Variants in PARD6G observed in about 807,000 individuals in gnomAD.
PARD6G encodes par-6 family cell polarity regulator gamma.
PARD6G carries 7 observed loss-of-function variants against 10.7 expected under a neutral mutation model. The observed-to-expected ratio is 0.66, with a 90% CI of 0.37 to 1.23. The LOEUF (loss-of-function observed/expected upper bound fraction) is 1.23, where lower values mean the gene tolerates loss of function less well. Among genes scored for constraint, PARD6G ranks in the 50% most tolerant of loss-of-function variants. PARD6G has a pLI of 0.02. For missense variants in PARD6G, 548 were observed against 571.8 expected, an observed-to-expected ratio of 0.96 and a Z score of 0.42; for synonymous variants, 287 against 269.4, an observed-to-expected ratio of 1.07 and a Z score of -0.64.
At chr18:80,199,442 G>A (rs4799144) in intron 2 of PARD6G, among the ~76,000 whole-genome samples, 11,509 of 152,162 alleles carry the variant, frequency 0.076, 633 homozygotes, top group African/African-American at 0.16. Flanking sequence ...GCTGATGGAC[G>A]CGTGGGCTGT....
At chr18:80,234,789 AT>A (rs1204108076) in intron 1 of PARD6G, among the ~76,000 whole-genome samples, 2 of 152,206 alleles carry the variant, frequency 1.3e-5, no homozygotes, top group African/African-American at 4.8e-5. Flanking sequence ...AAAGGGATCA[AT>A]TCAACAAGAA....
Position 80,201,383 on chromosome 18 carries a change from C to T in PARD6G, c.295+1327G>A, listed in dbSNP as rs924654038. 3.3e-5 allele frequency among the ~76,000 whole-genome samples: 5 copies of T among 152,266 alleles called. No homozygotes were observed. The highest frequency in any genetic ancestry group is 3.9e-4 in the East Asian group (2 of 5,168). ...CTGCAGAGGGCAGCATACAGAGGAC[C>T]GAGGTGTGGCACGCTGGAGGCTGTG... On this transcript the variant is annotated intron_variant, in intron 2 of 2. Coordinates refer to ENST00000353265, the MANE Select transcript of PARD6G (RefSeq NM_032510.4). This position sits in a 1 kb window ranked among gnomAD's most constrained non-coding sequence, Gnocchi z 5.9.
Position 80,160,460 on chromosome 18 carries a change from C to A in PARD6G, c.442G>T (p.Asp148Tyr). The change falls in exon 3 of 3, where the codon GAT (aspartate) becomes TAT (tyrosine). Residue 148 changes from aspartate to tyrosine, a missense_variant. Asp to Tyr is a radical substitution (Grantham distance 160). Around this residue, in one of 2 missense-constraint regions of PARD6G, gnomAD observed 235 missense variants for 291.9 expected, o/e 0.81. Transcript: ENST00000353265. ...RDFRPVSSII[D>Y]VDLVPETHRR... ...TGCGTCTCGGGGACCAGGTCCACAT[C>A]GATGATGGATGATACGGGGCGGAAG... The A allele has an allele frequency of 6.4e-7, 1 of 1,573,424 alleles. No individual in the cohort carries two copies. Among genetic ancestry groups the A allele is most frequent in the Non-Finnish European group, 8.6e-7 (1 of 1,159,412 alleles).
chr18:80,163,552 A>C (rs746429476), intron 2 of PARD6G, among the ~76,000 whole-genome samples: 11 of 152,168 alleles, frequency 7.2e-5, no homozygotes, highest in Non-Finnish European at 7.3e-5. Context: ...CGCATGGTGC[A>C]TTCCCTTCCA....
chr18:80,218,729 C>T (rs754922368), intron 1 of PARD6G, among the ~76,000 whole-genome samples: 22 of 152,242 alleles, frequency 1.4e-4, no homozygotes, highest in East Asian at 1.3e-3. Flanking sequence ...ATTTCCCTTC[C>T]GCACTGCTGT....
At chr18:80,190,269 G>A (rs1017215665) in intron 2 of PARD6G, among the ~76,000 whole-genome samples, 11 of 41,896 alleles carry the variant, frequency 2.6e-4, no homozygotes, top group East Asian at 1.3e-3. Flanking sequence ...CCTGTGCACC[G>A]GCAAACAATC....
chr18:80,173,034 T>G (rs182686410), intron 2 of PARD6G, among the ~76,000 whole-genome samples: 7 of 152,312 alleles, frequency 4.6e-5, no homozygotes, highest in Admixed American at 4.6e-4. Context: ...CCCAGGCTTA[T>G]GAGAACATTT....
chr18:80,197,730 C>T (rs532374631), intron 2 of PARD6G: 1 of 151,870 alleles, frequency 6.6e-6, no homozygotes, highest in Non-Finnish European at 1.5e-5. Flanking sequence ...TCCTGTTTAT[C>T]CTGCTAAAAA....
rs1472102318 is a variant in PARD6G, at chr18:80,181,592, C to T, written c.296-20986G>A. 6.6e-6 allele frequency among the ~76,000 whole-genome samples: 1 copy of T among 152,228 alleles called. No homozygotes were observed. Among genetic ancestry groups the T allele is most frequent in the East Asian group, 1.9e-4 (1 of 5,166 alleles). On this transcript the variant is annotated intron_variant, in intron 2 of 2. Transcript: ENST00000353265. This position sits in a 1 kb window ranked among gnomAD's most constrained non-coding sequence, Gnocchi z 7.9. ...CCCTAAACTCAGCAGATCGGATCTA[C>T]CTCCCCTCTCCCAACAAGGAGGGTC...
chr18:80,209,071 G>C (rs1388776538), intron 1 of PARD6G, among the ~76,000 whole-genome samples: 1 of 151,906 alleles, frequency 6.6e-6, no homozygotes, highest in Non-Finnish European at 1.5e-5. Context: ...CTGCACTCCA[G>C]CTTGAGTAAC....
chr18:80,217,326 C>T (rs146995411), intron 1 of PARD6G, among the ~76,000 whole-genome samples: 129 of 152,196 alleles, frequency 8.5e-4, no homozygotes, highest in African/African-American at 3.0e-3. Flanking sequence ...TAATTTATTA[C>T]CAAATAGATA....
intron 1 of PARD6G, among the ~76,000 whole-genome samples, chr18:80,226,757 C>G (rs1967297425): frequency 6.6e-6 from 1 of 152,098 alleles, no homozygotes; most frequent in Non-Finnish European, 1.5e-5. Flanking sequence ...AGCAAAGAAC[C>G]AGGCTGAAGA....
At position 80,204,915 on chromosome 18, in the gene PARD6G, G is replaced by A. The variant is rs181255082; in HGVS notation, c.73-1983C>T. ...TGCAGTGAGCCAAGATCATGCCACCGCACTCCAGCCTGGGCAAAAGAGTGA... is the reference window on the plus strand; with the variant it reads ...TGCAGTGAGCCAAGATCATGCCACCACACTCCAGCCTGGGCAAAAGAGTGA... On this transcript the variant is annotated intron_variant, in intron 1 of 2. Transcript: ENST00000353265. Among the ~76,000 whole-genome samples, 150 of 152,210 alleles carry A rather than the reference G, an allele frequency of 9.9e-4. 1 individual carries two copies. The highest frequency in any genetic ancestry group is 3.1e-3 in the African/African-American group (130 of 41,530).
chr18:80,199,892 G>T (rs1269100925), intron 2 of PARD6G, among the ~76,000 whole-genome samples: 2 of 152,128 alleles, frequency 1.3e-5, no homozygotes, highest in African/African-American at 4.8e-5. Context: ...TGATCCACCC[G>T]CCTCGGCCTC....
At chr18:80,202,637 A>AT in intron 2 of PARD6G, 73 bp downstream of exon 2, 1 of 1,187,200 alleles carries the variant, frequency 8.4e-7, no homozygotes, top group Non-Finnish European at 1.2e-6. Flanking sequence ...CTGTAATGAC[A>AT]GAAAAAATTG....
rs2145269874 is a variant in PARD6G at position 80,188,683 on chromosome 18, C to A, written c.295+14027G>T. Among the ~76,000 whole-genome samples, 1 of 152,332 alleles carries A rather than the reference C, an allele frequency of 6.6e-6. No individual in the cohort carries two copies. Among genetic ancestry groups the A allele is most frequent in the South Asian group, 2.1e-4 (1 of 4,826 alleles). Reference sequence around the variant, plus strand: ...GGAAACATGGGCCCCTAATTTCCCACACAGATGCAGGGCAGAGTTCACACG... The same window carrying A: ...GGAAACATGGGCCCCTAATTTCCCAAACAGATGCAGGGCAGAGTTCACACG... On this transcript the variant is annotated intron_variant, in intron 2 of 2. Transcript: ENST00000353265. This position sits in a 1 kb window ranked among gnomAD's most constrained non-coding sequence, Gnocchi z 5.4.
Position 80,200,358 on chromosome 18 carries a change from C to A in PARD6G, c.295+2352G>T, listed in dbSNP as rs573717828. 3.8e-3 allele frequency among the ~76,000 whole-genome samples: 579 copies of A among 152,284 alleles called. 5 individuals carry two copies. Among genetic ancestry groups the A allele is most frequent in the Middle Eastern group, 6.8e-3 (2 of 294 alleles). On this transcript the variant is annotated intron_variant, in intron 2 of 2. Transcript: ENST00000353265. The surrounding 1 kb of genome is among the most constrained non-coding windows in gnomAD (Gnocchi z 4.4). ...TTACAGTCAAATCCACTGAGGACAGCGAGAGGCAGCTCTGATTTTCCCAAA... is the reference window on the plus strand; with the variant it reads ...TTACAGTCAAATCCACTGAGGACAGAGAGAGGCAGCTCTGATTTTCCCAAA...
At chr18:80,237,026 G>C (rs1393331564) in intron 1 of PARD6G, among the ~76,000 whole-genome samples, 1 of 152,128 alleles carries the variant, frequency 6.6e-6, no homozygotes, top group African/African-American at 2.4e-5. Flanking sequence ...AACCAAAAAA[G>C]AACCCGCATT....
In PARD6G at chr18:80,177,972, TAC is replaced by T. The variant is rs3028716; in HGVS notation, c.296-17368_296-17367del. 1,203 of 152,260 alleles carry T rather than the reference TAC, an allele frequency of 7.9e-3. 6 individuals carry two copies. Among genetic ancestry groups the T allele is most frequent in the South Asian group, 8.9e-3 (41 of 4,594 alleles). The allele number at this position is 152,260 out of a possible 1,614,324, so 9.4% of individuals were successfully genotyped here. On this transcript the variant is annotated intron_variant, in intron 2 of 2. Coordinates refer to ENST00000353265, the MANE Select transcript of PARD6G (RefSeq NM_032510.4). ...ACAGTCCAAATGGGAAGCGTGTGCA[TAC>T]ACACACACACACACACACACACACA...
Sources: allele counts gnomAD v4.1 joint callset (sites outside exome capture counted in the v4.1 genomes callset), GRCh38; gene constraint gnomAD v4.1.1; regional missense constraint gnomAD v4.1.1; non-coding constraint Gnocchi (gnomAD v3.1); transcripts MANE v1.5; gene names NCBI Gene and HGNC (gene_info 2026-07-23, HGNC 2026-07-21).